The following SAMD12 variants were observed in gnomAD, a reference collection of about 807,000 sequenced individuals.
The protein encoded by SAMD12 is sterile alpha motif domain containing 12, also known as sterile alpha motif domain-containing protein 12.
A neutral mutation model predicts 15.0 loss-of-function variants in SAMD12; 9 were observed. The observed-to-expected ratio is 0.60, with a 90% CI of 0.36 to 1.05. SAMD12 has a LOEUF of 1.05. SAMD12 is among the 50% of genes least tolerant of loss of function. The probability of loss-of-function intolerance (pLI) is 0.01; values close to 1 mark genes in which losing one functional copy is unlikely to be tolerated. For missense variants in SAMD12, 230 were observed against 234.2 expected (o/e 0.98, Z 0.12); for synonymous variants, 86 against 90.1 (o/e 0.96, Z 0.25).
intron 3 of SAMD12, among the ~76,000 whole-genome samples, chr8:118,425,170 C>T (rs1260948786): frequency 6.6e-6 from 1 of 152,078 alleles, no homozygotes; most frequent in African/African-American, 2.4e-5. Context: ...AATTTCCTGA[C>T]CTTGTGATCT....
the SAMD12 span, among the ~76,000 whole-genome samples, chr8:118,145,542 T>G: frequency 6.6e-6 from 1 of 152,202 alleles, no homozygotes; most frequent in Non-Finnish European, 1.5e-5. Flanking sequence ...TCCCTACTTT[T>G]AAAGGGCTCA....
intron 2 of SAMD12, among the ~76,000 whole-genome samples, chr8:118,515,287 C>T (rs1825210254): frequency 6.7e-6 from 1 of 150,228 alleles, no homozygotes; most frequent in Admixed American, 6.7e-5. Flanking sequence ...CCCGCCTCAG[C>T]CTCCCAATGT....
chr8:118,325,542 C>T (rs1816526323), intron 4 of SAMD12, among the ~76,000 whole-genome samples: 1 of 152,166 alleles, frequency 6.6e-6, no homozygotes, highest in Non-Finnish European at 1.5e-5. Context: ...AATTAATTAG[C>T]ATATCTATCA....
chr8:118,471,311 C>A lies in SAMD12; in HGVS notation c.193-31350G>T, dbSNP rs535813570. ...ACCTTAATTTGATATACAAATTATTCAATTACCTAGTCTGCAGTTGTAAGG... is the reference window on the plus strand; with the variant it reads ...ACCTTAATTTGATATACAAATTATTAAATTACCTAGTCTGCAGTTGTAAGG... On this transcript the variant is annotated intron_variant, in intron 2 of 3. Transcript: ENST00000314727. Among the ~76,000 whole-genome samples, 4 of 152,080 alleles carry A rather than the reference C, an allele frequency of 2.6e-5. No homozygotes were observed. The South Asian group carries it at 6.2e-4, about 24-fold the overall frequency.
intron 4 of SAMD12, among the ~76,000 whole-genome samples, chr8:118,237,248 T>C (rs373787192): frequency 2.4e-4 from 36 of 152,248 alleles, no homozygotes; most frequent in African/African-American, 8.4e-4. Context: ...CCCTGTCTCT[T>C]AGAGAAAAAA....
chr8:118,304,084 G>C (rs1372359803), intron 4 of SAMD12, among the ~76,000 whole-genome samples: 2 of 152,076 alleles, frequency 1.3e-5, no homozygotes, highest in East Asian at 3.9e-4. Flanking sequence ...TTGTGGGCCC[G>C]GGTTCTCCGC....
chr8:118,275,747 A>T (rs1490013016), intron 4 of SAMD12, among the ~76,000 whole-genome samples: 1 of 152,138 alleles, frequency 6.6e-6, no homozygotes, highest in Non-Finnish European at 1.5e-5. Context: ...TGTCCATTGT[A>T]GCCATTTCTA....
At chr8:118,495,964 G>A (rs566921471) in intron 2 of SAMD12, among the ~76,000 whole-genome samples, 9 of 151,862 alleles carry the variant, frequency 5.9e-5, no homozygotes, top group Admixed American at 1.3e-4. Flanking sequence ...CACTCACAAC[G>A]GTCATTAAAA....
chr8:118,569,402 A>G (rs1826943103), intron 2 of SAMD12, among the ~76,000 whole-genome samples: 1 of 152,184 alleles, frequency 6.6e-6, no homozygotes, highest in South Asian at 2.1e-4. Context: ...TGAACTTGGA[A>G]TATGCAAATA....
At chr8:118,381,118 T>C (rs1316013982) in intron 3 of SAMD12, among the ~76,000 whole-genome samples, 1 of 152,194 alleles carries the variant, frequency 6.6e-6, no homozygotes, top group Non-Finnish European at 1.5e-5. Context: ...CCTCCCAACA[T>C]GTGCCCAGAA....
intron 4 of SAMD12, among the ~76,000 whole-genome samples, chr8:118,295,910 G>T (rs542662012): frequency 1.3e-5 from 2 of 152,096 alleles, no homozygotes; most frequent in Admixed American, 6.5e-5. Flanking sequence ...CTCCCAAAGC[G>T]CTGGGATTAC....
chr8:118,302,322 T>G (rs930446020), intron 4 of SAMD12, among the ~76,000 whole-genome samples: 4 of 152,182 alleles, frequency 2.6e-5, no homozygotes, highest in African/African-American at 7.2e-5. Context: ...TCTTTGCTCA[T>G]AAATTCATTT....
chr8:118,154,657 G>T, the SAMD12 span, among the ~76,000 whole-genome samples: 1 of 152,126 alleles, frequency 6.6e-6, no homozygotes, highest in East Asian at 1.9e-4. Context: ...TTAAATTTTA[G>T]TATACACCAA....
intron 2 of SAMD12, among the ~76,000 whole-genome samples, chr8:118,517,746 T>A (rs780815381): frequency 6.6e-6 from 1 of 151,944 alleles, no homozygotes; most frequent in Non-Finnish European, 1.5e-5. Context: ...TCGACCAGCA[T>A]TTTTTGGTAA....
At chr8:118,428,762 T>C (rs1472756287) in intron 3 of SAMD12, among the ~76,000 whole-genome samples, 1 of 152,170 alleles carries the variant, frequency 6.6e-6, no homozygotes, top group African/African-American at 2.4e-5. Context: ...TGTGAGTATA[T>C]TTATGGAATT....
chr8:118,266,413 G>C (rs1028145726), intron 4 of SAMD12, among the ~76,000 whole-genome samples: 1 of 152,128 alleles, frequency 6.6e-6, no homozygotes, highest in African/African-American at 2.4e-5. Flanking sequence ...AGTACAACCA[G>C]TATGGAAAAT....
chr8:118,606,576 T>C (rs1158427195), intron 1 of SAMD12, among the ~76,000 whole-genome samples: 3 of 142,770 alleles, frequency 2.1e-5, no homozygotes, highest in Admixed American at 7.0e-5. Flanking sequence ...AGTTTCAATT[T>C]AAAAAAAAAA....
At chr8:118,162,990 G>A in the SAMD12 span, among the ~76,000 whole-genome samples, 1 of 152,112 alleles carries the variant, frequency 6.6e-6, no homozygotes, top group Non-Finnish European at 1.5e-5. Context: ...GGATATTAGA[G>A]ACCAAAACCT....
intron 4 of SAMD12, among the ~76,000 whole-genome samples, chr8:118,323,773 A>T (rs1816427211): frequency 6.6e-6 from 1 of 152,078 alleles, no homozygotes; most frequent in African/African-American, 2.4e-5. Context: ...TGTCTTCTTT[A>T]TGCCTCACTT....
Sources: gnomAD v4.1 joint callset for allele counts (sites outside exome capture counted in the v4.1 genomes callset) on GRCh38, gnomAD v4.1.1 for gene constraint, MANE v1.5 for transcripts, NCBI Gene and HGNC (gene_info 2026-07-23, HGNC 2026-07-21) for gene names.